FGF14: variants seen among roughly 807,000 people sequenced by gnomAD.
The protein encoded by FGF14 is fibroblast growth factor 14.
FGF14 carries 5 observed loss-of-function variants against 25.5 expected under a neutral mutation model. The ratio of observed to expected loss-of-function variants is 0.20; its 90% CI spans 0.10 to 0.41. The LOEUF (loss-of-function observed/expected upper bound fraction) is 0.41, where lower values mean the gene tolerates loss of function less well. FGF14 is among the 10% of genes least tolerant of loss of function. The pLI is 1.00. For synonymous variants in FGF14, 138 were observed against 118.3 expected, an observed-to-expected ratio of 1.17 and a Z score of -1.08; for missense variants, 222 against 320.1, an observed-to-expected ratio of 0.69 and a Z score of 2.34.
upstream of FGF14, chr13:102,401,838 C>A (rs965949775): frequency 2.9e-6 from 2 of 684,330 alleles, no homozygotes; most frequent in Non-Finnish European, 5.0e-6. Context: ...AGAAAAAATC[C>A]TTTTTCAGCA....
chr13:101,817,693 G>A (rs927944042), intron 3 of FGF14, among the ~76,000 whole-genome samples: 17 of 152,192 alleles, frequency 1.1e-4, no homozygotes, highest in African/African-American at 3.9e-4. Context: ...GGGTGAAGGC[G>A]CTCTGCTAAG....
chr13:101,758,004 T>TTA (rs1029575090), intron 3 of FGF14, among the ~76,000 whole-genome samples: 5 of 152,190 alleles, frequency 3.3e-5, no homozygotes, highest in African/African-American at 7.2e-5. Context: ...CATTTAGAAC[T>TTA]TATATATATA....
chr13:101,830,489 G>A (rs1434658733), intron 3 of FGF14, among the ~76,000 whole-genome samples: 2 of 152,042 alleles, frequency 1.3e-5, no homozygotes, highest in East Asian at 3.9e-4. Context: ...TTAGTTACCG[G>A]TTGTACATGG....
chr13:101,985,137 A>G (rs372929982), intron 1 of FGF14, among the ~76,000 whole-genome samples: 20 of 151,406 alleles, frequency 1.3e-4, no homozygotes, highest in African/African-American at 4.4e-4. Flanking sequence ...TTAGTTTCAG[A>G]AAACAGTTTT....
chr13:102,190,540 A>T (rs1285646852), intron 1 of FGF14, among the ~76,000 whole-genome samples: 1 of 152,188 alleles, frequency 6.6e-6, no homozygotes, highest in African/African-American at 2.4e-5. Flanking sequence ...GTTCAGAGTG[A>T]GAATGTTGGC....
chr13:101,965,260 A>AC (rs34617160), intron 1 of FGF14, among the ~76,000 whole-genome samples: 12,171 of 150,740 alleles, frequency 0.081, 641 homozygotes, highest in Admixed American at 0.18. Context: ...AAAAAAAAAA[A>AC]ACCTCCTCTT....
intron 3 of FGF14, among the ~76,000 whole-genome samples, chr13:101,830,837 C>CT (rs2140279575): frequency 6.6e-6 from 1 of 152,096 alleles, no homozygotes; most frequent in South Asian, 2.1e-4. Flanking sequence ...GAGAATCTAC[C>CT]TTTTCACCTT....
intron 1 of FGF14, among the ~76,000 whole-genome samples, chr13:102,361,907 C>A (rs574576098): frequency 6.6e-6 from 1 of 152,038 alleles, no homozygotes; most frequent in Non-Finnish European, 1.5e-5. Context: ...GAAAAGCAGT[C>A]CAGGGCTGAC....
intron 3 of FGF14, among the ~76,000 whole-genome samples, chr13:101,807,075 T>C (rs573421257): frequency 6.6e-6 from 1 of 152,200 alleles, no homozygotes; most frequent in South Asian, 2.1e-4. Flanking sequence ...GCAGGGATGG[T>C]GCAAGAAAGA....
chr13:102,161,706 GAAGAAGAAGAAGAAGA>G (rs2047774142), intron 1 of FGF14, among the ~76,000 whole-genome samples: 2 of 148,712 alleles, frequency 1.3e-5, no homozygotes, highest in Non-Finnish European at 1.5e-5. Flanking sequence ...AGAAGAAGAA[GAAGAAGAAGAAGAAGA>G]AGAATAGAAA....
At chr13:102,391,122 G>T (rs1436000810) in intron 1 of FGF14, among the ~76,000 whole-genome samples, 1 of 152,152 alleles carries the variant, frequency 6.6e-6, no homozygotes, top group Non-Finnish European at 1.5e-5. Flanking sequence ...TCCTGATCTT[G>T]CCTGAAGAGT....
At chr13:102,157,573 A>G (rs1365998838) in intron 1 of FGF14, among the ~76,000 whole-genome samples, 1 of 152,228 alleles carries the variant, frequency 6.6e-6, no homozygotes. Flanking sequence ...AAACCTAGGC[A>G]ATACCATTCA....
At chr13:102,316,158 G>A (rs1321793256) in intron 1 of FGF14, among the ~76,000 whole-genome samples, 2 of 152,148 alleles carry the variant, frequency 1.3e-5, no homozygotes, top group Non-Finnish European at 2.9e-5. Flanking sequence ...TTAACAGAAG[G>A]ATAAGCTTTG....
At position 102,364,083 on chromosome 13, in the gene FGF14, T is replaced by C. The variant is rs77945082; in HGVS notation, c.208+37388A>G. ...TACGTGGTTGTGGATCTGAAGGAAA[T>C]TGTGTTATTGCTACTTTTTTATTAT... On this transcript the variant is annotated intron_variant, in intron 1 of 4. Coordinates refer to the FGF14 transcript ENST00000376131. Among the ~76,000 whole-genome samples the C allele has an allele frequency of 2.6e-5, 4 of 152,324 alleles. No individual in the cohort carries two copies. In the East Asian group the frequency reaches 7.7e-4, roughly 29 times the overall value.
At chr13:102,052,738 G>C (rs1160373072) in intron 1 of FGF14, among the ~76,000 whole-genome samples, 3 of 152,038 alleles carry the variant, frequency 2.0e-5, no homozygotes, top group Non-Finnish European at 2.9e-5. Flanking sequence ...CAAAAGTTGA[G>C]GAAGTTCATA....
At chr13:102,016,301 A>T (rs73563666) in intron 1 of FGF14, among the ~76,000 whole-genome samples, 4,878 of 152,226 alleles carry the variant, frequency 0.032, 252 homozygotes, top group African/African-American at 0.11. Context: ...ATTTTAACTA[A>T]CCTGCTATCA....
At chr13:102,326,424 G>T (rs541914954) in intron 1 of FGF14, among the ~76,000 whole-genome samples, 135 of 152,190 alleles carry the variant, frequency 8.9e-4, no homozygotes, top group African/African-American at 3.0e-3. Flanking sequence ...TGATTTTCTT[G>T]GCCCAGTAAA....
chr13:102,147,659 G>A (rs564602405), intron 1 of FGF14, among the ~76,000 whole-genome samples: 2 of 152,274 alleles, frequency 1.3e-5, no homozygotes, highest in East Asian at 3.9e-4. Flanking sequence ...CCTTTGAAAT[G>A]CAAATATTTC....
At position 101,717,639 on chromosome 13, in the gene FGF14, C is replaced by T. The variant is rs565983264; in HGVS notation, c.*5192G>A. ...GGATCAGAAAGTTAAACTTTACGGA[C>T]CACGTACGTCCCTGTCTCATATTCT... is the stretch of plus-strand genomic sequence containing the variant. On this transcript the variant is annotated 3_prime_UTR_variant, in exon 5 of 5. Coordinates refer to ENST00000376143, the MANE Select transcript of FGF14 (RefSeq NM_004115.4). The T allele has an allele frequency of 2.1e-4, 32 of 151,754 alleles. No individual in the cohort carries two copies. The highest frequency in any genetic ancestry group is 7.0e-4 in the African/African-American group (29 of 41,526). 9.4% of individuals were successfully genotyped at this position (151,754 alleles called of 1,614,324 possible). A position where few individuals can be genotyped will look rare whatever the true frequency, so the allele number is the denominator to read the frequency against.
Sources: gnomAD v4.1 joint callset for allele counts (sites outside exome capture counted in the v4.1 genomes callset) on GRCh38, gnomAD v4.1.1 for gene constraint, MANE v1.5 for transcripts, NCBI Gene and HGNC (gene_info 2026-07-23, HGNC 2026-07-21) for gene names.